Variants in FHIT observed in about 807,000 individuals in gnomAD.
The protein encoded by FHIT is fragile histidine triad diadenosine triphosphatase, also known as bis(5'-adenosyl)-triphosphatase.
FHIT carries 19 observed loss-of-function variants against 17.9 expected under a neutral mutation model. The ratio of observed to expected loss-of-function variants is 1.06; its 90% CI spans 0.74 to 1.56. The LOEUF is 1.56. Ranked by LOEUF, FHIT falls within the 40% of genes most tolerant of loss-of-function variation. FHIT has a pLI of 0.00. For missense variants in FHIT, 248 were observed against 189.2 expected (o/e 1.31, Z -1.82); for synonymous variants, 81 against 69.7 (o/e 1.16, Z -0.81).
chr3:61,075,604 C>T lies in FHIT; in HGVS notation c.-163-33505G>A, dbSNP rs184755655. ...ACTGAGATTGAGAACCCAGAAAAAC[C>T]TTTTGATATAACTAGGGAAAGTTAA... On this transcript the variant is annotated intron_variant, in intron 2 of 9. Transcript: ENST00000492590. Among the ~76,000 whole-genome samples, 265 of 152,030 alleles carry T rather than the reference C, an allele frequency of 1.7e-3. 4 individuals carry two copies. Among genetic ancestry groups the T allele is most frequent in the Middle Eastern group, 6.8e-3 (2 of 294 alleles).
intron 8 of FHIT, among the ~76,000 whole-genome samples, chr3:59,823,037 C>A (rs1336656078): frequency 6.6e-6 from 1 of 152,174 alleles, no homozygotes; most frequent in Non-Finnish European, 1.5e-5. Context: ...ATTATCCCAG[C>A]ACCATTTGTT....
chr3:59,752,814 C>T (rs1700993167), intron 8 of FHIT, among the ~76,000 whole-genome samples: 1 of 152,138 alleles, frequency 6.6e-6, no homozygotes, highest in South Asian at 2.1e-4. Context: ...TTCCTGAGGC[C>T]TCCCCAACCA....
At chr3:60,452,126 A>G (rs1300443847) in intron 5 of FHIT, among the ~76,000 whole-genome samples, 1 of 152,192 alleles carries the variant, frequency 6.6e-6, no homozygotes. Flanking sequence ...TGGGAGGAGA[A>G]ATACTGTAAC....
chr3:60,834,630 G>T (rs1433175794), intron 3 of FHIT, among the ~76,000 whole-genome samples: 1 of 152,070 alleles, frequency 6.6e-6, no homozygotes, highest in Non-Finnish European at 1.5e-5. Context: ...GGCCGAGGAG[G>T]GTGGATCTTT....
intron 5 of FHIT, among the ~76,000 whole-genome samples, chr3:60,140,592 T>C (rs1005569715): frequency 7.2e-6 from 1 of 138,186 alleles, no homozygotes; most frequent in Non-Finnish European, 1.5e-5. Context: ...TTTTTTTTTT[T>C]TTTGAGACAG....
At chr3:60,524,204 AC>A (rs1226547124) in intron 5 of FHIT, among the ~76,000 whole-genome samples, 2 of 4,380 alleles carry the variant, frequency 4.6e-4, no homozygotes, top group South Asian at 0.062. Flanking sequence ...TGAGACACAC[AC>A]ACACACACAC....
At chr3:60,997,354 T>G (rs1368492865) in intron 3 of FHIT, among the ~76,000 whole-genome samples, 3 of 151,402 alleles carry the variant, frequency 2.0e-5, no homozygotes, top group African/African-American at 4.9e-5. Flanking sequence ...TCTGTCTGTC[T>G]CTTTCTTTTC....
chr3:60,087,997 T>C (rs2107079185), intron 5 of FHIT, among the ~76,000 whole-genome samples: 1 of 152,270 alleles, frequency 6.6e-6, no homozygotes, highest in Admixed American at 6.5e-5. Flanking sequence ...TTCTAATGGC[T>C]AAAAAATTCA....
intron 4 of FHIT, among the ~76,000 whole-genome samples, chr3:60,580,025 T>C (rs1425435770): frequency 6.6e-6 from 1 of 152,122 alleles, no homozygotes; most frequent in Non-Finnish European, 1.5e-5. Flanking sequence ...ATTTCAGAGA[T>C]ACTAGGATGG....
chr3:61,085,594 C>T (rs1397345129), intron 2 of FHIT, among the ~76,000 whole-genome samples: 31 of 151,918 alleles, frequency 2.0e-4, no homozygotes. Context: ...TTAATAGTGT[C>T]CTTAAATAAC....
intron 4 of FHIT, among the ~76,000 whole-genome samples, chr3:60,775,455 C>G (rs1311012654): frequency 4.6e-5 from 7 of 152,102 alleles, no homozygotes; most frequent in African/African-American, 1.7e-4. Flanking sequence ...GCGGGAAGTG[C>G]TCTATCAGGG....
intron 5 of FHIT, among the ~76,000 whole-genome samples, chr3:60,104,081 G>C (rs1704304210): frequency 6.6e-6 from 1 of 152,184 alleles, no homozygotes; most frequent in Non-Finnish European, 1.5e-5. Context: ...GAGGAAGGTA[G>C]ACTCTTTTTA....
intron 5 of FHIT, among the ~76,000 whole-genome samples, chr3:60,531,372 G>T (rs568175582): frequency 6.7e-6 from 1 of 150,034 alleles, no homozygotes. Flanking sequence ...TCCGCCTCCC[G>T]GGTTCACGCC....
chr3:61,221,963 G>T (rs2039851693), intron 1 of FHIT, among the ~76,000 whole-genome samples: 1 of 152,154 alleles, frequency 6.6e-6, no homozygotes, highest in African/African-American at 2.4e-5. Context: ...TGAGCCAAGG[G>T]TGACCATTCT....
chr3:61,005,267 A>G (rs905988640), intron 3 of FHIT, among the ~76,000 whole-genome samples: 1 of 152,202 alleles, frequency 6.6e-6, no homozygotes, highest in Non-Finnish European at 1.5e-5. Context: ...ACCTGTCCAT[A>G]TTAGATAATT....
chr3:59,947,612 T>C (rs1020463562), intron 7 of FHIT, among the ~76,000 whole-genome samples: 4 of 152,140 alleles, frequency 2.6e-5, no homozygotes, highest in South Asian at 2.1e-4. Flanking sequence ...GGCCACGGCT[T>C]AGCTCAGCAC....
chr3:60,003,594 T>A (rs212022), intron 7 of FHIT, among the ~76,000 whole-genome samples: 140,356 of 152,206 alleles, frequency 0.92, 64,791 homozygotes, highest in East Asian at 1. Context: ...AAAATACAAA[T>A]AATAGCTAGG....
chr3:59,908,327 A>G (rs951835695), intron 8 of FHIT, among the ~76,000 whole-genome samples: 3 of 152,252 alleles, frequency 2.0e-5, no homozygotes, highest in African/African-American at 4.8e-5. Context: ...GGAGGCACCT[A>G]ATTTCCTGCA....
At position 60,066,630 on chromosome 3, in the gene FHIT, A is replaced by ATTTTTTTTTTTTTTTTTT. The variant is rs71089574; in HGVS notation, c.104-52496_104-52479dup. On this transcript the variant is annotated intron_variant, in intron 5 of 9. Coordinates refer to ENST00000492590, the MANE Select transcript of FHIT (RefSeq NM_002012.4). The stretch of plus-strand genomic sequence containing the variant: ...ATAGGTTGATTTTAATCCCTGACAA[A>ATTTTTTTTTTTTTTTTTT]TTTTTTTTTTTTTTTTTTTTTTTTT... Among the ~76,000 whole-genome samples the ATTTTTTTTTTTTTTTTTT allele has an allele frequency of 1.6e-4, 8 of 51,420 alleles. 2 individuals are homozygous for ATTTTTTTTTTTTTTTTTT. The highest frequency in any genetic ancestry group is 3.6e-4 in the Admixed American group (1 of 2,814). The allele number at this position is 51,420 out of a possible 152,430, so 33.7% of individuals were successfully genotyped here. A position where few individuals can be genotyped will look rare whatever the true frequency, so the allele number is the denominator to read the frequency against.
Sources: gnomAD v4.1 joint callset for allele counts (sites outside exome capture counted in the v4.1 genomes callset) on GRCh38, gnomAD v4.1.1 for gene constraint, MANE v1.5 for transcripts, NCBI Gene and HGNC (gene_info 2026-07-23, HGNC 2026-07-21) for gene names.